SHISA6: variants seen among roughly 807,000 people sequenced by gnomAD.
SHISA6 encodes the protein protein shisa-6.
In SHISA6, 22 loss-of-function variants were observed where a neutral mutation model predicts 47.9. The observed-to-expected ratio is 0.46, with a 90% confidence interval of 0.33 to 0.66. The LOEUF is 0.66. Among genes scored for constraint, SHISA6 ranks in the 30% least tolerant of loss-of-function variants. SHISA6 has a pLI of 0.02. For missense variants in SHISA6, 680 were observed against 764.6 expected, an observed-to-expected ratio of 0.89 and a Z score of 1.30; for synonymous variants, 388 against 337.8, an observed-to-expected ratio of 1.15 and a Z score of -1.63.
intron 2 of SHISA6, chr17:11,289,984 T>C (rs934999259): frequency 1.3e-5 from 2 of 152,202 alleles, no homozygotes; most frequent in Non-Finnish European, 2.9e-5. Context: ...TAGGTATAAC[T>C]GAATCCTAGA....
chr17:11,367,305 T>C (rs1912485451), intron 2 of SHISA6, among the ~76,000 whole-genome samples: 3 of 152,068 alleles, frequency 2.0e-5, no homozygotes, highest in Admixed American at 2.0e-4. Flanking sequence ...TGAAAAGGGA[T>C]AGGCCATGCT....
rs1241389483 is a variant in SHISA6, at chr17:11,526,986, CTTGACT to C, written c.896-24907_896-24902del. On this transcript the variant is annotated intron_variant, in intron 3 of 5. Transcript: ENST00000441885. ...AGGCTATCCATCGCCTTGATAGCTT[CTTGACT>C]TTAATAAGCACTCCAGATGAGATCC... is the stretch of plus-strand genomic sequence containing the variant. Among the ~76,000 whole-genome samples the C allele has an allele frequency of 2.6e-5, 3 of 115,584 alleles. No individual in the cohort carries two copies. In the East Asian group the frequency reaches 8.3e-4, roughly 32 times the overall value. The allele number at this position is 115,584 out of a possible 152,430, so 75.8% of individuals were successfully genotyped here. A position where few individuals can be genotyped will look rare whatever the true frequency, so the allele number is the denominator to read the frequency against.
rs4792114 is a variant in SHISA6, at chr17:11,251,424, A to G, written c.638+9364A>G. Among the ~76,000 whole-genome samples, 853 of 133,500 alleles carry G rather than the reference A, an allele frequency of 6.4e-3. 5 individuals carry two copies. The highest frequency in any genetic ancestry group is 0.023 in the African/African-American group (807 of 34,694). The allele number at this position is 133,500 out of a possible 152,430, so 87.6% of individuals were successfully genotyped here. On this transcript the variant is annotated intron_variant, in intron 1 of 5. Coordinates refer to ENST00000441885, the MANE Select transcript of SHISA6 (RefSeq NM_207386.4). ...ACAAAACACCCTGATTTTAATTGAGAAAAAAAAAAAACTTGACAATATTGA... is the reference window on the plus strand; with the variant it reads ...ACAAAACACCCTGATTTTAATTGAGGAAAAAAAAAAACTTGACAATATTGA...
intron 3 of SHISA6, among the ~76,000 whole-genome samples, chr17:11,382,661 T>G (rs1029834640): frequency 3.3e-5 from 5 of 152,224 alleles, no homozygotes; most frequent in African/African-American, 1.2e-4. Context: ...CTTCCTTTAT[T>G]CCTTTTTCCC....
intron 3 of SHISA6, among the ~76,000 whole-genome samples, chr17:11,482,502 G>A (rs574998534): frequency 3.3e-5 from 5 of 152,198 alleles, no homozygotes; most frequent in South Asian, 2.1e-4. Context: ...TGTATCCTGC[G>A]GCTTTTCTGC....
chr17:11,345,671 G>T (rs1911680924), intron 2 of SHISA6, among the ~76,000 whole-genome samples: 1 of 151,858 alleles, frequency 6.6e-6, no homozygotes, highest in Non-Finnish European at 1.5e-5. Flanking sequence ...AGTTTTCAGG[G>T]TACAGATCTT....
chr17:11,532,343 G>C (rs1265775080), intron 3 of SHISA6, among the ~76,000 whole-genome samples: 2 of 152,220 alleles, frequency 1.3e-5, no homozygotes, highest in African/African-American at 4.8e-5. Context: ...TGTTAACAGT[G>C]GGTATCAGAA....
intron 3 of SHISA6, among the ~76,000 whole-genome samples, chr17:11,483,948 A>T (rs757085966): frequency 1.3e-4 from 20 of 152,320 alleles, no homozygotes; most frequent in Non-Finnish European, 2.6e-4. Flanking sequence ...AGCAAGATAA[A>T]GGGGAATATT....
chr17:11,319,276 A>ACTAAAC (rs1910629751), intron 2 of SHISA6, among the ~76,000 whole-genome samples: 1 of 151,928 alleles, frequency 6.6e-6, no homozygotes, highest in African/African-American at 2.4e-5. Context: ...ACGGGGTTTC[A>ACTAAAC]CCATGTTGGC....
At chr17:11,276,591 T>TCGTTGTCACCAC (rs1213875479) in intron 2 of SHISA6, among the ~76,000 whole-genome samples, 1 of 151,982 alleles carries the variant, frequency 6.6e-6, no homozygotes, top group African/African-American at 2.4e-5. Context: ...ATCATCATCA[T>TCGTTGTCACCAC]CGTTGTCACC....
chr17:11,434,704 C>T (rs990781531), intron 3 of SHISA6, among the ~76,000 whole-genome samples: 3 of 152,104 alleles, frequency 2.0e-5, no homozygotes, highest in African/African-American at 7.2e-5. Flanking sequence ...TAACTGGTAC[C>T]TATTACCATT....
At chr17:11,406,590 T>C (rs1180525813) in intron 3 of SHISA6, among the ~76,000 whole-genome samples, 1 of 152,226 alleles carries the variant, frequency 6.6e-6, no homozygotes, top group Non-Finnish European at 1.5e-5. Context: ...TCTGAATCTC[T>C]TTTCCCCACT....
intron 2 of SHISA6, among the ~76,000 whole-genome samples, chr17:11,295,239 A>C (rs898518636): frequency 1.3e-5 from 2 of 152,238 alleles, no homozygotes; most frequent in African/African-American, 4.8e-5. Context: ...ATAGGGGACT[A>C]CCATATCAGT....
intron 2 of SHISA6, among the ~76,000 whole-genome samples, chr17:11,360,134 G>C (rs147595952): frequency 6.6e-6 from 1 of 152,208 alleles, no homozygotes; most frequent in Non-Finnish European, 1.5e-5. Flanking sequence ...ATACTATGCA[G>C]CCACAAAAAG....
intron 3 of SHISA6, among the ~76,000 whole-genome samples, chr17:11,449,685 A>C (rs1915331457): frequency 6.6e-6 from 1 of 152,198 alleles, no homozygotes; most frequent in Non-Finnish European, 1.5e-5. Flanking sequence ...GCTTAACAAA[A>C]AGATACATTC....
chr17:11,342,076 C>T (rs1911549868), intron 2 of SHISA6, among the ~76,000 whole-genome samples: 2 of 152,094 alleles, frequency 1.3e-5, no homozygotes, highest in Admixed American at 1.3e-4. Context: ...TGAATGACTT[C>T]TCTGCCAGTA....
intron 3 of SHISA6, among the ~76,000 whole-genome samples, chr17:11,534,467 C>G (rs941045589): frequency 5.9e-5 from 9 of 151,988 alleles, no homozygotes; most frequent in African/African-American, 2.2e-4. Context: ...ATGTTAGACT[C>G]CTTGGGAAGC....
At chr17:11,490,949 G>T (rs1916459663) in intron 3 of SHISA6, among the ~76,000 whole-genome samples, 2 of 152,218 alleles carry the variant, frequency 1.3e-5, no homozygotes, top group African/African-American at 4.8e-5. Context: ...GGCCAACAGG[G>T]CAAGCACAGA....
At chr17:11,531,211 CTGTGTGTGTGTGTGTGTGTGTGTGTGTG>C (rs58392834) in intron 3 of SHISA6, among the ~76,000 whole-genome samples, 11 of 134,056 alleles carry the variant, frequency 8.2e-5, no homozygotes, top group South Asian at 2.6e-4. Context: ...GGTTACTACT[CTGTGTGTGTGTGTGTGTGTGTGTGTGTG>C]TGTGTGTGTG....
Sources: allele counts gnomAD v4.1 joint callset (sites outside exome capture counted in the v4.1 genomes callset), GRCh38; gene constraint gnomAD v4.1.1; transcripts MANE v1.5; gene names NCBI Gene and HGNC (gene_info 2026-07-23, HGNC 2026-07-21).